The following CSNK1G1 variants were observed in gnomAD, a reference collection of about 807,000 sequenced individuals.
CSNK1G1 encodes casein kinase I isoform gamma-1.
A neutral mutation model predicts 59.6 loss-of-function variants in CSNK1G1; 22 were observed. The ratio of observed to expected loss-of-function variants is 0.37; its 90% confidence interval spans 0.26 to 0.53. CSNK1G1 has a LOEUF of 0.53. Among genes scored for constraint, CSNK1G1 ranks in the 20% least tolerant of loss-of-function variants. CSNK1G1 has a pLI of 0.89. For missense variants in CSNK1G1, 384 were observed against 519.5 expected, an observed-to-expected ratio of 0.74 and a Z score of 2.54; for synonymous variants, 179 against 177.1, an observed-to-expected ratio of 1.01 and a Z score of -0.08.
chr15:64,327,287 G>C (rs926887418), intron 1 of CSNK1G1, among the ~76,000 whole-genome samples: 1 of 149,994 alleles, frequency 6.7e-6, no homozygotes, highest in African/African-American at 2.4e-5. Context: ...TGACAGCTTT[G>C]AAGAGAGCAG....
In CSNK1G1 at chr15:64,214,829, G is replaced by A. The variant is rs1596105299; in HGVS notation, c.445-705C>T. ...AATTTTTGTATTTTTAGTAGAGACA[G>A]GGTTTCACCATGTTGGCCACACTGG... On this transcript the variant is annotated intron_variant, in intron 5 of 11. Transcript: ENST00000303052. This position sits in a 1 kb window ranked among gnomAD's most constrained non-coding sequence, Gnocchi z 4.3. Among the ~76,000 whole-genome samples the A allele has an allele frequency of 6.6e-6, 1 of 150,680 alleles. No homozygotes were observed. The highest frequency in any genetic ancestry group is 1.5e-5 in the Non-Finnish European group (1 of 67,632).
intron 2 of CSNK1G1, among the ~76,000 whole-genome samples, chr15:64,281,467 A>G (rs541740498): frequency 6.6e-6 from 1 of 152,252 alleles, no homozygotes; most frequent in South Asian, 2.1e-4. Flanking sequence ...TAAAAAGAGA[A>G]AGTAGAGTGG....
intron 4 of CSNK1G1, among the ~76,000 whole-genome samples, chr15:64,246,013 A>G (rs1891734149): frequency 1.3e-5 from 2 of 152,316 alleles, no homozygotes; most frequent in South Asian, 4.1e-4. Context: ...AATAAATTCT[A>G]GTGTTGATAG....
chr15:64,324,086 G>A (rs914285539), intron 1 of CSNK1G1, among the ~76,000 whole-genome samples: 1 of 152,190 alleles, frequency 6.6e-6, no homozygotes. Context: ...AAGCAGTAGA[G>A]GCTTTGACAC....
intron 10 of CSNK1G1, among the ~76,000 whole-genome samples, chr15:64,192,840 TAAAAAAAAAA>T (rs66643774): frequency 6.2e-5 from 2 of 32,226 alleles, no homozygotes; most frequent in African/African-American, 1.2e-4. Flanking sequence ...GAGATCTGCC[TAAAAAAAAAA>T]AAAAAAAAAA....
In CSNK1G1 at chr15:64,265,525, T is replaced by C. The variant is rs141732136; in HGVS notation, c.182-6284A>G. Among the ~76,000 whole-genome samples, 376 of 152,292 alleles carry C rather than the reference T, an allele frequency of 2.5e-3. 5 individuals carry two copies. The highest frequency in any genetic ancestry group is 0.016 in the Admixed American group (249 of 15,292). The stretch of plus-strand genomic sequence containing the variant: ...GCTCCTCCTTTGCTTTCTGCCATGA[T>C]TGTGAGGCCTCCCAGCTATGTGGAA... On this transcript the variant is annotated intron_variant, in intron 2 of 11. Transcript: ENST00000303052.
At chr15:64,308,376 G>A (rs1434405852) in intron 1 of CSNK1G1, among the ~76,000 whole-genome samples, 3 of 152,072 alleles carry the variant, frequency 2.0e-5, no homozygotes, top group Admixed American at 1.3e-4. Context: ...TGGGATTACA[G>A]GAATGAGCTA....
chr15:64,185,370 T>C (rs1032715588), intron 10 of CSNK1G1, among the ~76,000 whole-genome samples: 2 of 151,890 alleles, frequency 1.3e-5, no homozygotes, highest in Admixed American at 6.6e-5. Flanking sequence ...GCAAAAGGTA[T>C]GCTAAAAACA....
intron 1 of CSNK1G1, among the ~76,000 whole-genome samples, chr15:64,344,267 C>A (rs1897827607): frequency 6.6e-6 from 1 of 152,112 alleles, no homozygotes; most frequent in Admixed American, 6.5e-5. Flanking sequence ...AGATGTGCAT[C>A]CTTCAAGCCC....
chr15:64,281,924 GTT>G (rs753555945), intron 2 of CSNK1G1, among the ~76,000 whole-genome samples: 5 of 142,910 alleles, frequency 3.5e-5, no homozygotes, highest in Non-Finnish European at 3.1e-5. Context: ...ATTTTATGGA[GTT>G]TTTTTTTTTT....
At chr15:64,330,400 T>A (rs1897058599) in intron 1 of CSNK1G1, among the ~76,000 whole-genome samples, 1 of 151,518 alleles carries the variant, frequency 6.6e-6, no homozygotes, top group Non-Finnish European at 1.5e-5. Flanking sequence ...CAATCCAGCA[T>A]ATAAACAGAG....
At chr15:64,305,385 C>T (rs1447165885) in intron 1 of CSNK1G1, among the ~76,000 whole-genome samples, 1 of 151,910 alleles carries the variant, frequency 6.6e-6, no homozygotes, top group East Asian at 1.9e-4. Context: ...AATTTGAGTA[C>T]CAATACAAGG....
chr15:64,251,202 TG>T (rs1327504135), intron 4 of CSNK1G1, among the ~76,000 whole-genome samples: 1 of 152,220 alleles, frequency 6.6e-6, no homozygotes, highest in Non-Finnish European at 1.5e-5. Context: ...TCCTTTCTTT[TG>T]GTATAAGTAA....
At chr15:64,352,604 CCTGA>C (rs1898375685) in intron 1 of CSNK1G1, among the ~76,000 whole-genome samples, 1 of 150,362 alleles carries the variant, frequency 6.7e-6, no homozygotes, top group Non-Finnish European at 1.5e-5. Context: ...CTCCATCATG[CCTGA>C]CTAATGTTGT....
intron 2 of CSNK1G1, among the ~76,000 whole-genome samples, chr15:64,270,345 C>CT (rs1251716495): frequency 6.6e-6 from 1 of 152,004 alleles, no homozygotes; most frequent in East Asian, 1.9e-4. Context: ...TCTCTGCTAG[C>CT]TGTGGGGTTG....
At chr15:64,304,193 G>A (rs1021248838) in intron 1 of CSNK1G1, among the ~76,000 whole-genome samples, 1 of 151,806 alleles carries the variant, frequency 6.6e-6, no homozygotes, top group African/African-American at 2.4e-5. Context: ...TTCAAAACCA[G>A]CCTGGCCAAC....
intron 1 of CSNK1G1, among the ~76,000 whole-genome samples, chr15:64,337,786 C>T (rs1897467364): frequency 6.6e-6 from 1 of 152,142 alleles, no homozygotes; most frequent in Non-Finnish European, 1.5e-5. Flanking sequence ...TAATTCTGTA[C>T]CCATTAAACA....
chr15:64,237,284 C>T (rs552012006), intron 4 of CSNK1G1, among the ~76,000 whole-genome samples: 1 of 152,228 alleles, frequency 6.6e-6, no homozygotes, highest in South Asian at 2.1e-4. Context: ...ACAAATGAAA[C>T]AGGAAGACAA....
At chr15:64,179,565 T>C (rs2081784008) in intron 11 of CSNK1G1, among the ~76,000 whole-genome samples, 1 of 152,208 alleles carries the variant, frequency 6.6e-6, no homozygotes, top group African/African-American at 2.4e-5. Context: ...GGTGTCTCTA[T>C]CTCTCCCTAC....
Sources: allele counts gnomAD v4.1 joint callset (sites outside exome capture counted in the v4.1 genomes callset), GRCh38; gene constraint gnomAD v4.1.1; non-coding constraint Gnocchi (gnomAD v3.1); transcripts MANE v1.5; gene names NCBI Gene and HGNC (gene_info 2026-07-23, HGNC 2026-07-21).